IKBKB-DT: variants seen among roughly 807,000 people sequenced by gnomAD.
IKBKB-DT encodes the protein IKBKB antisense RNA.
rs183402747 is a variant in IKBKB-DT at position 42,259,989 on chromosome 8, A to C, written n.1529+3340T>G. ...AGAGTAAGACTCCGTCTCAAAAAAA[A>C]AAAAACAAAAAAAAAAGAGAGAGAA... On this transcript the variant is annotated intron_variant and non_coding_transcript_variant, in intron 3 of 3. Coordinates refer to ENST00000518213, the Ensembl canonical transcript of IKBKB-DT. 8.4e-3 allele frequency among the ~76,000 whole-genome samples: 1,273 copies of C among 151,598 alleles called. 7 individuals are homozygous for C. Among genetic ancestry groups the C allele is most frequent in the Non-Finnish European group, 0.013 (901 of 67,898 alleles).
In IKBKB-DT at chr8:42,241,224, C is replaced by CTTTTTTT. The variant is rs773177896; in HGVS notation, n.1530-7372_1530-7366dup. Among the ~76,000 whole-genome samples, 310 of 45,678 alleles carry CTTTTTTT rather than the reference C, an allele frequency of 6.8e-3. 124 individuals are homozygous for CTTTTTTT. The highest frequency in any genetic ancestry group is 0.037 in the Middle Eastern group (2 of 54). 30.0% of individuals were successfully genotyped at this position (45,678 alleles called of 152,430 possible). A position where few individuals can be genotyped will look rare whatever the true frequency, so the allele number is the denominator to read the frequency against. On this transcript the variant is annotated intron_variant and non_coding_transcript_variant, in intron 3 of 3. Transcript: ENST00000518213. ...TTGATGCCTTTAGATATGTTGGAAT[C>CTTTTTTT]TTTTTTTTTTTTTTTTTTTTTTTTT...
intron 3 of IKBKB-DT, among the ~76,000 whole-genome samples, chr8:42,243,319 A>G (rs1807026209): frequency 6.6e-6 from 1 of 152,220 alleles, no homozygotes; most frequent in Non-Finnish European, 1.5e-5. Flanking sequence ...ATGAATTTGT[A>G]AGAAATATCT....
At chr8:42,234,184 T>C (rs1452155515) in intron 3 of IKBKB-DT, among the ~76,000 whole-genome samples, 1 of 152,082 alleles carries the variant, frequency 6.6e-6, no homozygotes, top group Non-Finnish European at 1.5e-5. Flanking sequence ...AGCTTGGAGG[T>C]TAGAAGCAAG....
At chr8:42,244,156 T>C (rs1323775633) in intron 3 of IKBKB-DT, among the ~76,000 whole-genome samples, 1 of 152,386 alleles carries the variant, frequency 6.6e-6, no homozygotes, top group South Asian at 2.1e-4. Context: ...AGTTTTGCCA[T>C]GCTTTGAGGT....
chr8:42,254,193 C>A (rs1807164496), intron 3 of IKBKB-DT, among the ~76,000 whole-genome samples: 2 of 152,196 alleles, frequency 1.3e-5, no homozygotes, highest in Admixed American at 6.5e-5. Flanking sequence ...TGAAGAGGAA[C>A]CTCTACTTTA....
chr8:42,265,194 G>A (rs1807354175), intron 2 of IKBKB-DT, among the ~76,000 whole-genome samples: 1 of 152,132 alleles, frequency 6.6e-6, no homozygotes, highest in Non-Finnish European at 1.5e-5. Context: ...ATAGGTTCTT[G>A]TTATGTTTCC....
chr8:42,262,823 C>T (rs1443501803), intron 3 of IKBKB-DT, among the ~76,000 whole-genome samples: 1 of 151,682 alleles, frequency 6.6e-6, no homozygotes, highest in African/African-American at 2.4e-5. Context: ...ACTGCATCCT[C>T]AATTTTCTGG....
At chr8:42,264,554 T>C (rs1563279252) in intron 2 of IKBKB-DT, among the ~76,000 whole-genome samples, 2 of 152,224 alleles carry the variant, frequency 1.3e-5, no homozygotes, top group Non-Finnish European at 2.9e-5. Context: ...TTTTAAAATA[T>C]TATTTAATTT....
At chr8:42,252,899 C>T (rs1807146445) in intron 3 of IKBKB-DT, among the ~76,000 whole-genome samples, 1 of 152,128 alleles carries the variant, frequency 6.6e-6, no homozygotes, top group African/African-American at 2.4e-5. Flanking sequence ...CATAACATGA[C>T]AAAGAAGAAA....
At chr8:42,246,435 G>A (rs1421310391) in intron 3 of IKBKB-DT, among the ~76,000 whole-genome samples, 1 of 152,124 alleles carries the variant, frequency 6.6e-6, no homozygotes, top group Non-Finnish European at 1.5e-5. Flanking sequence ...TTTCTCTATT[G>A]CTCTGGTTCC....
intron 3 of IKBKB-DT, among the ~76,000 whole-genome samples, chr8:42,238,009 A>G (rs1366504507): frequency 7.6e-6 from 1 of 131,694 alleles, no homozygotes; most frequent in Non-Finnish European, 1.6e-5. Context: ...TGGGCAACAG[A>G]GCAAGGCCCT....
At chr8:42,269,467 A>AGGGGG (rs1563280972) in intron 1 of IKBKB-DT, among the ~76,000 whole-genome samples, 3 of 33,024 alleles carry the variant, frequency 9.1e-5, no homozygotes, top group African/African-American at 1.3e-4. Context: ...AGGGGAGGGG[A>AGGGGG]GGGGAGGAAA....
intron 3 of IKBKB-DT, among the ~76,000 whole-genome samples, chr8:42,259,403 C>G (rs1807251324): frequency 6.6e-6 from 1 of 152,058 alleles, no homozygotes; most frequent in Non-Finnish European, 1.5e-5. Context: ...TACTATGAAG[C>G]CAAGAGTAGA....
In IKBKB-DT at chr8:42,247,704, T is replaced by C. The variant is rs554936876; in HGVS notation, n.1530-13845A>G. ...GATCATGGGGGCAGTTTCCTCATGCTGTTCCCATGATAGTGAGGGAGTTCT... is the reference window on the plus strand; with the variant it reads ...GATCATGGGGGCAGTTTCCTCATGCCGTTCCCATGATAGTGAGGGAGTTCT... On this transcript the variant is annotated intron_variant and non_coding_transcript_variant, in intron 3 of 3. Coordinates refer to ENST00000518213, the Ensembl canonical transcript of IKBKB-DT. 9.2e-5 allele frequency among the ~76,000 whole-genome samples: 14 copies of C among 152,312 alleles called. No individual in the cohort carries two copies. The South Asian group carries it at 1.9e-3, about 20-fold the overall frequency.
chr8:42,241,877 T>C (rs1455761299), intron 3 of IKBKB-DT, among the ~76,000 whole-genome samples: 1 of 152,070 alleles, frequency 6.6e-6, no homozygotes, highest in African/African-American at 2.4e-5. Flanking sequence ...GAACTAATAT[T>C]AGAGGAGAGA....
intron 3 of IKBKB-DT, among the ~76,000 whole-genome samples, chr8:42,255,145 G>A (rs1807181896): frequency 6.6e-6 from 1 of 152,018 alleles, no homozygotes. Flanking sequence ...GAAGTGAGGA[G>A]TGCCACTGCC....
At chr8:42,268,129 A>T (rs919966721) in intron 1 of IKBKB-DT, among the ~76,000 whole-genome samples, 3 of 130,398 alleles carry the variant, frequency 2.3e-5, no homozygotes, top group African/African-American at 9.0e-5. Flanking sequence ...GTGCTCAATA[A>T]TTTTTTTTTT....
intron 3 of IKBKB-DT, among the ~76,000 whole-genome samples, chr8:42,260,859 A>G (rs1807277392): frequency 6.6e-6 from 1 of 152,056 alleles, no homozygotes; most frequent in Non-Finnish European, 1.5e-5. Context: ...ACTTAAAACC[A>G]ATGAGCCTTT....
intron 1 of IKBKB-DT, among the ~76,000 whole-genome samples, chr8:42,266,715 G>A (rs541262486): frequency 2.0e-5 from 3 of 152,276 alleles, no homozygotes; most frequent in African/African-American, 7.2e-5. Flanking sequence ...ACAGGTTTCG[G>A]TAAAGAAGCC....
Sources: gnomAD v4.1 joint callset for allele counts (sites outside exome capture counted in the v4.1 genomes callset) on GRCh38, gnomAD v4.1.1 for gene constraint, MANE v1.5 for transcripts, NCBI Gene and HGNC (gene_info 2026-07-23, HGNC 2026-07-21) for gene names.